The following ELAVL2 variants were observed in gnomAD, a reference collection of about 807,000 sequenced individuals.
ELAVL2 encodes the protein ELAV-like protein 2.
A neutral mutation model predicts 34.6 loss-of-function variants in ELAVL2; 4 were observed. That is an observed-to-expected ratio of 0.12 (90% CI 0.06 to 0.26). ELAVL2 has a LOEUF of 0.26. Among genes scored for constraint, ELAVL2 ranks in the 10% least tolerant of loss-of-function variants. The pLI is 1.00. For synonymous variants in ELAVL2, 193 were observed against 154.8 expected (o/e 1.25, Z -1.83); for missense variants, 432 against 442.8 (o/e 0.98, Z 0.22).
intron 6 of ELAVL2, 141 bp downstream of exon 6, chr9:23,693,307 A>G: frequency 1.9e-6 from 2 of 1,043,842 alleles, no homozygotes; most frequent in Non-Finnish European, 2.8e-6. Flanking sequence ...ATTGTGCTTC[A>G]AAGAGCAGCT....
At chr9:23,696,537 C>T (rs924260371) in intron 5 of ELAVL2, among the ~76,000 whole-genome samples, 8 of 152,170 alleles carry the variant, frequency 5.3e-5, no homozygotes, top group East Asian at 1.9e-4. Context: ...GGCGTGATCT[C>T]GGCTCACTGC....
chr9:23,718,151 A>T (rs999408289), intron 3 of ELAVL2, among the ~76,000 whole-genome samples: 1 of 152,130 alleles, frequency 6.6e-6, no homozygotes, highest in Non-Finnish European at 1.5e-5. Flanking sequence ...TACTTCTACT[A>T]AATCTTTAAC....
At chr9:23,815,816 A>T (rs767698699) in intron 1 of ELAVL2, among the ~76,000 whole-genome samples, 2 of 151,352 alleles carry the variant, frequency 1.3e-5, no homozygotes, top group African/African-American at 4.8e-5. Context: ...AATTGGCCGC[A>T]CGGGCACGGT....
intron 1 of ELAVL2, chr9:23,779,458 G>C: frequency 1.0e-6 from 1 of 971,416 alleles, no homozygotes; most frequent in Non-Finnish European, 1.2e-6. Context: ...AAGCTAGAGA[G>C]TGGGTGGGCG....
intron 2 of ELAVL2, among the ~76,000 whole-genome samples, chr9:23,743,779 A>C (rs1228280234): frequency 6.6e-6 from 1 of 152,200 alleles, no homozygotes; most frequent in East Asian, 1.9e-4. Flanking sequence ...TTCAATTTTA[A>C]TTCATCTTAA....
intron 3 of ELAVL2, among the ~76,000 whole-genome samples, chr9:23,723,879 C>A (rs1225967819): frequency 6.6e-6 from 1 of 152,086 alleles, no homozygotes; most frequent in African/African-American, 2.4e-5. Flanking sequence ...CAATTCCACA[C>A]GTGCACACAC....
the ELAVL2 span, among the ~76,000 whole-genome samples, chr9:23,834,793 A>G: frequency 6.6e-6 from 1 of 152,056 alleles, no homozygotes; most frequent in African/African-American, 2.4e-5. Flanking sequence ...ATGTGACTTC[A>G]ATATATTTCC....
At chr9:23,769,608 A>T (rs2056940369) in intron 1 of ELAVL2, among the ~76,000 whole-genome samples, 1 of 152,204 alleles carries the variant, frequency 6.6e-6, no homozygotes, top group African/African-American at 2.4e-5. Context: ...TATTCAATCT[A>T]GAATCCTTGT....
chr9:23,786,107 G>C (rs2059645541), intron 1 of ELAVL2, among the ~76,000 whole-genome samples: 1 of 152,166 alleles, frequency 6.6e-6, no homozygotes, highest in African/African-American at 2.4e-5. Flanking sequence ...GATAAATGCA[G>C]AGTATTTATC....
At chr9:23,704,353 G>C (rs1368267843) in intron 4 of ELAVL2, among the ~76,000 whole-genome samples, 1 of 152,116 alleles carries the variant, frequency 6.6e-6, no homozygotes, top group East Asian at 1.9e-4. Flanking sequence ...ACATTCAAGA[G>C]TTTTAATGAA....
At position 23,691,359 on chromosome 9, in the gene ELAVL2, A is replaced by G. The variant is rs1287295424; in HGVS notation, c.*1198T>C. On this transcript the variant is annotated 3_prime_UTR_variant, in exon 7 of 7. Coordinates refer to ENST00000397312, the MANE Select transcript of ELAVL2 (RefSeq NM_004432.5). ...AACGTAACTTTCAAAATACCTTCAA[A>G]TATATCCAACTCAGATCACTTTTGC... is the stretch of plus-strand genomic sequence containing the variant. 2 of 152,588 alleles carry G rather than the reference A, an allele frequency of 1.3e-5. No homozygotes were observed. Among genetic ancestry groups the G allele is most frequent in the Non-Finnish European group, 2.9e-5 (2 of 68,016 alleles). 9.5% of individuals were successfully genotyped at this position (152,588 alleles called of 1,614,324 possible).
intron 2 of ELAVL2, among the ~76,000 whole-genome samples, chr9:23,731,826 G>A (rs1210309251): frequency 2.0e-5 from 3 of 151,954 alleles, no homozygotes; most frequent in Non-Finnish European, 4.4e-5. Context: ...AAAAATAACA[G>A]GAGAAAAAAA....
intron 1 of ELAVL2, among the ~76,000 whole-genome samples, chr9:23,819,568 G>C (rs1044192461): frequency 1.3e-5 from 2 of 151,950 alleles, no homozygotes; most frequent in African/African-American, 4.8e-5. Context: ...CCTGAAAGAA[G>C]ACACTACACA....
intron 1 of ELAVL2, among the ~76,000 whole-genome samples, chr9:23,771,047 A>G (rs2057215302): frequency 6.6e-6 from 1 of 152,218 alleles, no homozygotes; most frequent in Non-Finnish European, 1.5e-5. Context: ...GCAAAAGAGT[A>G]GCATGTGGCT....
intron 2 of ELAVL2, among the ~76,000 whole-genome samples, chr9:23,751,905 G>A (rs191677433): frequency 1.2e-4 from 19 of 152,096 alleles, no homozygotes; most frequent in Admixed American, 1.0e-3. Context: ...CATCATTCTG[G>A]GCTCCCAAGT....
chr9:23,770,002 T>A (rs1032988452), intron 1 of ELAVL2, among the ~76,000 whole-genome samples: 5 of 152,178 alleles, frequency 3.3e-5, no homozygotes, highest in African/African-American at 1.2e-4. Context: ...AGTAAAGATC[T>A]GGCGAAAAAG....
At chr9:23,818,558 A>C (rs2064057898) in intron 1 of ELAVL2, among the ~76,000 whole-genome samples, 1 of 152,184 alleles carries the variant, frequency 6.6e-6, no homozygotes, top group Non-Finnish European at 1.5e-5. Flanking sequence ...AGAAACAAAG[A>C]GCTGGGGGTA....
intron 2 of ELAVL2, among the ~76,000 whole-genome samples, chr9:23,740,049 G>A (rs923539654): frequency 1.3e-5 from 2 of 152,014 alleles, no homozygotes; most frequent in African/African-American, 4.8e-5. Context: ...TCTCGTTAGA[G>A]ATAAATTTTC....
At chr9:23,738,061 T>C (rs187517361) in intron 2 of ELAVL2, among the ~76,000 whole-genome samples, 39 of 152,332 alleles carry the variant, frequency 2.6e-4, no homozygotes, top group Non-Finnish European at 4.4e-4. Context: ...TGCAAATATA[T>C]TGTATTTCTT....
Sources: allele counts gnomAD v4.1 joint callset (sites outside exome capture counted in the v4.1 genomes callset), GRCh38; gene constraint gnomAD v4.1.1; transcripts MANE v1.5; gene names NCBI Gene and HGNC (gene_info 2026-07-23, HGNC 2026-07-21).